Variants in HMGCLL1 observed in about 807,000 individuals in gnomAD.
The protein encoded by HMGCLL1 is 3-hydroxy-3-methylglutaryl-CoA lyase like 1.
Under a neutral mutation model 39.1 loss-of-function variants are expected in HMGCLL1, and 36 were observed. The observed-to-expected ratio is 0.92, with a 90% CI of 0.71 to 1.22. HMGCLL1 has a LOEUF of 1.22. Ranked by LOEUF, HMGCLL1 falls within the 50% of genes most tolerant of loss-of-function variation. The probability of loss-of-function intolerance (pLI) is 0.00; values close to 1 mark genes in which losing one functional copy is unlikely to be tolerated. For synonymous variants in HMGCLL1, 149 were observed against 144.0 expected (o/e 1.03, Z -0.25); for missense variants, 451 against 416.5 (o/e 1.08, Z -0.72).
chr6:55,621,304 T>C, the HMGCLL1 span, among the ~76,000 whole-genome samples: 2 of 152,126 alleles, frequency 1.3e-5, no homozygotes, highest in Non-Finnish European at 2.9e-5. Context: ...CTTGCATGAC[T>C]GTTTTATAGT....
At chr6:55,567,289 T>A (rs1026104133) in intron 1 of HMGCLL1, among the ~76,000 whole-genome samples, 3 of 151,998 alleles carry the variant, frequency 2.0e-5, no homozygotes, top group South Asian at 2.1e-4. Flanking sequence ...AAAAAAAATG[T>A]ATAAAACAAT....
intron 1 of HMGCLL1, among the ~76,000 whole-genome samples, chr6:55,550,914 G>A (rs1464912544): frequency 6.6e-6 from 1 of 151,504 alleles, no homozygotes; most frequent in Non-Finnish European, 1.5e-5. Flanking sequence ...TAGTGTTAAG[G>A]TTAAGCCATC....
chr6:55,650,090 CATATATATATATATATAT>C, the HMGCLL1 span, among the ~76,000 whole-genome samples: 192 of 52,240 alleles, frequency 3.7e-3, 6 homozygotes, highest in Middle Eastern at 0.032. Context: ...CACACATATA[CATATATATATATATATAT>C]ATATATATAT....
At chr6:55,515,343 C>T (rs547871617) in intron 4 of HMGCLL1, among the ~76,000 whole-genome samples, 1 of 151,950 alleles carries the variant, frequency 6.6e-6, no homozygotes, top group South Asian at 2.1e-4. Context: ...GGCTTTTATG[C>T]CTCTATCCAA....
intron 1 of HMGCLL1, among the ~76,000 whole-genome samples, chr6:55,544,303 G>C (rs1407522702): frequency 6.6e-6 from 1 of 152,054 alleles, no homozygotes; most frequent in Non-Finnish European, 1.5e-5. Flanking sequence ...TTTAAAATCG[G>C]GGGAAAACGA....
chr6:55,660,917 C>G, the HMGCLL1 span, among the ~76,000 whole-genome samples: 1 of 151,908 alleles, frequency 6.6e-6, no homozygotes, highest in Non-Finnish European at 1.5e-5. Context: ...GTCATTCTGA[C>G]TGGTGTGAGA....
chr6:55,612,069 G>T, the HMGCLL1 span, among the ~76,000 whole-genome samples: 10 of 151,976 alleles, frequency 6.6e-5, no homozygotes, highest in Non-Finnish European at 1.2e-4. Context: ...AGGCCAAAAA[G>T]CTCCTTAAGA....
intron 3 of HMGCLL1, among the ~76,000 whole-genome samples, chr6:55,534,826 A>C (rs1768921600): frequency 6.6e-6 from 1 of 152,248 alleles, no homozygotes; most frequent in South Asian, 2.1e-4. Context: ...TCGAAGAACC[A>C]ACACAAATTT....
intron 7 of HMGCLL1, among the ~76,000 whole-genome samples, chr6:55,484,395 T>C (rs191575688): frequency 5.8e-4 from 89 of 152,222 alleles, no homozygotes; most frequent in Non-Finnish European, 1.1e-3. Flanking sequence ...TTGTACAGTC[T>C]GCTGGATTTA....
rs140779990 is a variant in HMGCLL1, at chr6:55,454,647, G to A, written c.796-15088C>T. ...TCACAAGGACAGAGCTGAATGGGCCGAATAGTCATATCTCCAGGGAAACAA... is the reference window on the plus strand; with the variant it reads ...TCACAAGGACAGAGCTGAATGGGCCAAATAGTCATATCTCCAGGGAAACAA... On this transcript the variant is annotated intron_variant, in intron 7 of 8. Transcript: ENST00000274901. Among the ~76,000 whole-genome samples, 13 of 152,262 alleles carry A rather than the reference G, an allele frequency of 8.5e-5. No individual in the cohort carries two copies. The East Asian group carries it at 1.4e-3, about 16-fold the overall frequency.
chr6:55,656,061 T>C, the HMGCLL1 span, among the ~76,000 whole-genome samples: 1 of 152,030 alleles, frequency 6.6e-6, no homozygotes, highest in African/African-American at 2.4e-5. Flanking sequence ...ATCCAAGATT[T>C]CTCTACTGAA....
At position 55,435,648 on chromosome 6, in the gene HMGCLL1, T is replaced by C. The variant is rs769412462; in HGVS notation, c.*14A>G. ...AATTGATCTTCTCAACGGTACGTCA[T>C]AAATCCATTCAAGTCAAGCATTGAA... On this transcript the variant is annotated 3_prime_UTR_variant, in exon 9 of 9. Coordinates refer to ENST00000274901, the MANE Select transcript of HMGCLL1 (RefSeq NM_001042406.2). 6.1e-6 allele frequency: 9 copies of C among 1,484,748 alleles called. No homozygotes were observed. Among genetic ancestry groups the C allele is most frequent in the Non-Finnish European group, 6.5e-6 (7 of 1,073,472 alleles). The allele number at this position is 1,484,748 out of a possible 1,614,324, so 92.0% of individuals were successfully genotyped here.
the HMGCLL1 span, among the ~76,000 whole-genome samples, chr6:55,673,824 A>T: frequency 2.0e-5 from 3 of 151,946 alleles, no homozygotes; most frequent in South Asian, 6.2e-4. Context: ...TATGATGTTA[A>T]ATGGTCCATT....
At chr6:55,636,615 G>T in the HMGCLL1 span, among the ~76,000 whole-genome samples, 2 of 152,278 alleles carry the variant, frequency 1.3e-5, no homozygotes, top group Admixed American at 1.3e-4. Context: ...CTGTGGGCAT[G>T]TGTTAAACTA....
the HMGCLL1 span, among the ~76,000 whole-genome samples, chr6:55,655,546 A>AGAT: frequency 1.3e-5 from 2 of 151,292 alleles, no homozygotes; most frequent in Non-Finnish European, 3.0e-5. Context: ...GTAGATAGAT[A>AGAT]GATAGATAGA....
chr6:55,612,090 C>A, the HMGCLL1 span, among the ~76,000 whole-genome samples: 3 of 152,172 alleles, frequency 2.0e-5, no homozygotes, highest in Non-Finnish European at 4.4e-5. Context: ...TGATAAGCAA[C>A]TTCAGCAAAG....
chr6:55,643,299 A>T, the HMGCLL1 span, among the ~76,000 whole-genome samples: 2 of 151,890 alleles, frequency 1.3e-5, no homozygotes, highest in African/African-American at 4.8e-5. Context: ...CCTTGTCAAC[A>T]TGTTATTTTT....
the HMGCLL1 span, among the ~76,000 whole-genome samples, chr6:55,633,733 G>A: frequency 6.6e-6 from 1 of 151,896 alleles, no homozygotes; most frequent in Non-Finnish European, 1.5e-5. Context: ...TTTCACAGCA[G>A]GAATAATCAT....
intron 7 of HMGCLL1, among the ~76,000 whole-genome samples, chr6:55,478,994 TTC>T (rs369309512): frequency 4.6e-5 from 7 of 151,642 alleles, no homozygotes; most frequent in South Asian, 4.1e-4. Context: ...GCCTCTGAAT[TTC>T]TCTCTTTTTT....
Sources: allele counts gnomAD v4.1 joint callset (sites outside exome capture counted in the v4.1 genomes callset), GRCh38; gene constraint gnomAD v4.1.1; transcripts MANE v1.5; gene names NCBI Gene and HGNC (gene_info 2026-07-23, HGNC 2026-07-21).